Variants in WDR27 observed in about 807,000 individuals in gnomAD.
WDR27 encodes WD repeat domain 27, also known as WD repeat-containing protein 27.
Under a neutral mutation model 114.4 loss-of-function variants are expected in WDR27, and 100 were observed. The ratio of observed to expected loss-of-function variants is 0.87; its 90% CI spans 0.74 to 1.03. WDR27 has a LOEUF of 1.03. Among genes scored for constraint, WDR27 ranks in the 50% least tolerant of loss-of-function variants. The probability of loss-of-function intolerance (pLI) is 0.00; values close to 1 mark genes in which losing one functional copy is unlikely to be tolerated. For synonymous variants in WDR27, 449 were observed against 423.1 expected, an observed-to-expected ratio of 1.06 and a Z score of -0.75; for missense variants, 1,129 against 1,092.9, an observed-to-expected ratio of 1.03 and a Z score of -0.47.
At chr6:169,525,413 GT>G (rs1794833882) in intron 25 of WDR27, among the ~76,000 whole-genome samples, 4 of 151,642 alleles carry the variant, frequency 2.6e-5, no homozygotes, top group Admixed American at 6.6e-5. Flanking sequence ...GTGGGCGCCT[GT>G]AGTCCCAGCT....
At chr6:169,546,816 G>T (rs961364373) in intron 25 of WDR27, among the ~76,000 whole-genome samples, 2 of 152,116 alleles carry the variant, frequency 1.3e-5, no homozygotes, top group African/African-American at 2.4e-5. Context: ...TACTAGGGGC[G>T]CTGGCTTACG....
At chr6:169,629,979 C>T (rs928791695) in intron 21 of WDR27, among the ~76,000 whole-genome samples, 3 of 149,082 alleles carry the variant, frequency 2.0e-5, no homozygotes, top group Non-Finnish European at 3.0e-5. Flanking sequence ...AGAAACTTCA[C>T]GTATAAGATT....
intron 14 of WDR27, among the ~76,000 whole-genome samples, chr6:169,651,621 A>C (rs1822576149): frequency 6.6e-6 from 1 of 152,022 alleles, no homozygotes; most frequent in Non-Finnish European, 1.5e-5. Flanking sequence ...CAGCATCGTC[A>C]TGCTCTCCCA....
intron 25 of WDR27, among the ~76,000 whole-genome samples, chr6:169,519,233 G>C (rs1026189870): frequency 1.3e-5 from 2 of 152,100 alleles, no homozygotes; most frequent in African/African-American, 4.8e-5. Flanking sequence ...CTGTTACCCA[G>C]TTCCAAAGTC....
chr6:169,456,762 G>C (rs1784362005), downstream of WDR27, among the ~76,000 whole-genome samples: 1 of 151,732 alleles, frequency 6.6e-6, no homozygotes, highest in Non-Finnish European at 1.5e-5. The surrounding 1 kb of genome is among the most constrained non-coding windows in gnomAD (Gnocchi z 4.0). Context: ...TCACCACACA[G>C]AACCCACGGG....
At chr6:169,534,150 T>C (rs1374025213) in intron 25 of WDR27, among the ~76,000 whole-genome samples, 2 of 152,348 alleles carry the variant, frequency 1.3e-5, no homozygotes, top group East Asian at 1.9e-4. Flanking sequence ...GTATGTGATA[T>C]GATTGTGTGG....
intron 25 of WDR27, among the ~76,000 whole-genome samples, chr6:169,530,306 T>C (rs2860492): frequency 0.83 from 125,922 of 152,182 alleles, 53,441 homozygotes; most frequent in Non-Finnish European, 0.93. Context: ...CTGCACAAAT[T>C]GCCTCCATTC....
the WDR27 span, among the ~76,000 whole-genome samples, chr6:169,428,017 C>T: frequency 6.6e-6 from 1 of 152,112 alleles, no homozygotes; most frequent in Admixed American, 6.5e-5. Flanking sequence ...AAAGCGGCGT[C>T]GACATTTTCT....
intron 4 of WDR27, among the ~76,000 whole-genome samples, chr6:169,668,426 T>C (rs959686270): frequency 2.0e-5 from 3 of 152,286 alleles, no homozygotes; most frequent in Middle Eastern, 3.4e-3. Context: ...GCTCCCCGCC[T>C]GTAACTCAGA....
At chr6:169,627,915 G>T (rs908906454) in intron 21 of WDR27, among the ~76,000 whole-genome samples, 2 of 152,120 alleles carry the variant, frequency 1.3e-5, no homozygotes, top group Non-Finnish European at 2.9e-5. Flanking sequence ...ACAGGGAAAG[G>T]CCACGGCGTT....
intron 25 of WDR27, among the ~76,000 whole-genome samples, chr6:169,491,756 A>C (rs1341664282): frequency 6.6e-6 from 1 of 152,184 alleles, no homozygotes; most frequent in South Asian, 2.1e-4. Context: ...TTTAAGCTCA[A>C]CAGCAGGTCC....
chr6:169,555,362 C>T (rs995248963), intron 25 of WDR27, among the ~76,000 whole-genome samples: 24 of 152,036 alleles, frequency 1.6e-4, no homozygotes, highest in African/African-American at 5.8e-4. Flanking sequence ...CTGAGCTCAT[C>T]CCCAGAGGAG....
At chr6:169,658,380 T>C in intron 12 of WDR27, 22 bp from the exon 13 acceptor site, 1 of 1,575,896 alleles carries the variant, frequency 6.3e-7, no homozygotes. Context: ...ACAAGCCCCA[T>C]GAAACTAGGA....
chr6:169,678,984 T>C (rs1003628220), intron 2 of WDR27, among the ~76,000 whole-genome samples: 1 of 152,208 alleles, frequency 6.6e-6, no homozygotes, highest in African/African-American at 2.4e-5. Flanking sequence ...GAGAGCTTAC[T>C]CTGCAGAGTA....
intron 25 of WDR27, among the ~76,000 whole-genome samples, chr6:169,485,996 T>C (rs531467936): frequency 4.6e-4 from 70 of 152,094 alleles, no homozygotes; most frequent in African/African-American, 1.6e-3. Context: ...CTGGGGCGTA[T>C]TGAGGGTGGA....
At chr6:169,587,821 G>A (rs1263962512) in intron 23 of WDR27, among the ~76,000 whole-genome samples, 1 of 152,222 alleles carries the variant, frequency 6.6e-6, no homozygotes, top group East Asian at 1.9e-4. Context: ...CTGCAGCCAT[G>A]TCTCCATGAG....
At chr6:169,564,269 G>A (rs1800106907) in intron 25 of WDR27, among the ~76,000 whole-genome samples, 4 of 152,280 alleles carry the variant, frequency 2.6e-5, no homozygotes, top group Admixed American at 6.5e-5. Flanking sequence ...GTCCTTCCAC[G>A]TTCCTCTGCC....
In WDR27 at chr6:169,664,281, C is replaced by T. The variant is rs1280594058; in HGVS notation, c.789G>A (p.Trp263Ter). The T allele has an allele frequency of 3.1e-6, 5 of 1,613,796 alleles. No homozygotes were observed. Among genetic ancestry groups the T allele is most frequent in the Non-Finnish European group, 4.2e-6 (5 of 1,179,852 alleles). The change falls in exon 8 of 26, where the codon TGG becomes TGA. Residue 263 changes from tryptophan (W) to a stop codon, truncating the protein, a stop_gained. Coordinates refer to ENST00000448612, the MANE Select transcript of WDR27 (RefSeq NM_182552.5). LOFTEE classifies it high-confidence loss of function. ...LVTGCADGQL[W>*]IFSLMDGHHY... The stretch of plus-strand genomic sequence containing the variant: ...GGTGTCCATCCATCAAACTGAAGAT[C>T]CAAAGCTACAAAAGCAAAGAAGATG...
chr6:169,676,706 T>A (rs1466263230), intron 2 of WDR27, among the ~76,000 whole-genome samples: 3 of 152,224 alleles, frequency 2.0e-5, no homozygotes, highest in Non-Finnish European at 4.4e-5. Context: ...TGAGTCTAGG[T>A]CTTTAGACAA....
Sources: allele counts gnomAD v4.1 joint callset (sites outside exome capture counted in the v4.1 genomes callset), GRCh38; gene constraint gnomAD v4.1.1; non-coding constraint Gnocchi (gnomAD v3.1); transcripts MANE v1.5; gene names NCBI Gene and HGNC (gene_info 2026-07-23, HGNC 2026-07-21).